GNAO1: variants seen among roughly 807,000 people sequenced by gnomAD.
GNAO1 encodes guanine nucleotide-binding protein G(o) subunit alpha.
For missense variants in GNAO1, 166 were observed against 478.7 expected (o/e 0.35, Z 6.10); for synonymous variants, 164 against 180.7 (o/e 0.91, Z 0.74).
chr16:56,312,286 C>T (rs549322210), intron 3 of GNAO1, among the ~76,000 whole-genome samples: 8 of 152,344 alleles, frequency 5.3e-5, no homozygotes, highest in African/African-American at 1.4e-4. Flanking sequence ...ATCTGATCTT[C>T]GGTTTGTCTG....
At chr16:56,256,233 C>A (rs1384604427) in intron 2 of GNAO1, among the ~76,000 whole-genome samples, 5 of 152,210 alleles carry the variant, frequency 3.3e-5, no homozygotes, top group African/African-American at 1.2e-4. Flanking sequence ...CCTGAGACAT[C>A]TGTCTCCCTT....
At chr16:56,210,157 G>T (rs2036373321) in intron 2 of GNAO1, among the ~76,000 whole-genome samples, 1 of 152,186 alleles carries the variant, frequency 6.6e-6, no homozygotes, top group African/African-American at 2.4e-5. Context: ...GGACTCAAAA[G>T]ACTTCTAATA....
chr16:56,325,058 C>T (rs1403755426), intron 3 of GNAO1, among the ~76,000 whole-genome samples: 10 of 152,388 alleles, frequency 6.6e-5, no homozygotes, highest in African/African-American at 2.4e-4. Context: ...TGCCTGCAGA[C>T]TTTCAGTACC....
In GNAO1 at chr16:56,250,328, A is replaced by G. The variant is rs1257783642; in HGVS notation, c.162-25603A>G. Among the ~76,000 whole-genome samples, 3 of 152,232 alleles carry G rather than the reference A, an allele frequency of 2.0e-5. No homozygotes were observed. In the East Asian group the frequency reaches 5.8e-4, roughly 29 times the overall value. ...AAACCACAGATCTAGAAGGCCAACC[A>G]TCTCAAGGAAGGAATTCTTGAAGAA... On this transcript the variant is annotated intron_variant, in intron 2 of 8. Transcript: ENST00000262493.
chr16:56,215,926 A>G (rs2036433001), intron 2 of GNAO1, among the ~76,000 whole-genome samples: 1 of 152,206 alleles, frequency 6.6e-6, no homozygotes, highest in African/African-American at 2.4e-5. Context: ...TCTCTTCCTG[A>G]TGAGAAGACT....
intron 2 of GNAO1, chr16:56,235,349 G>C: frequency 2.2e-6 from 1 of 456,086 alleles, no homozygotes; most frequent in South Asian, 1.5e-5. Flanking sequence ...CCCATCAACA[G>C]ATGAAGAAGT....
chr16:56,349,174 C>G (rs1175369113), intron 6 of GNAO1, among the ~76,000 whole-genome samples: 1 of 152,208 alleles, frequency 6.6e-6, no homozygotes, highest in African/African-American at 2.4e-5. Context: ...TTGATTTCTC[C>G]TCCACACCTA....
chr16:56,243,902 G>A (rs1218240100), intron 2 of GNAO1, among the ~76,000 whole-genome samples: 1 of 152,192 alleles, frequency 6.6e-6, no homozygotes, highest in Non-Finnish European at 1.5e-5. Flanking sequence ...ACCCAGTGAG[G>A]TAGGCCCTGT....
intron 2 of GNAO1, among the ~76,000 whole-genome samples, chr16:56,248,673 TGAAG>T (rs2036771764): frequency 6.6e-6 from 1 of 152,200 alleles, no homozygotes; most frequent in South Asian, 2.1e-4. Flanking sequence ...AAGCAGCCTC[TGAAG>T]GAAGTGTGGA....
intron 4 of GNAO1, among the ~76,000 whole-genome samples, 170 bp from the exon 5 acceptor site, chr16:56,334,558 CA>C (rs753909236): frequency 6.6e-6 from 1 of 152,188 alleles, no homozygotes; most frequent in Non-Finnish European, 1.5e-5. Context: ...CCCTAAGACC[CA>C]CTTCCTCAGT....
At chr16:56,349,532 G>A (rs1199886759) in intron 6 of GNAO1, among the ~76,000 whole-genome samples, 1 of 152,232 alleles carries the variant, frequency 6.6e-6, no homozygotes, top group Non-Finnish European at 1.5e-5. Context: ...CAGGGCAAGC[G>A]AGACCTGCTC....
chr16:56,347,464 T>TCCTGACC (rs1567494588), intron 6 of GNAO1: 1 of 983,930 alleles, frequency 1.0e-6, no homozygotes, highest in African/African-American at 1.8e-5. Flanking sequence ...GCAAGAAGAG[T>TCCTGACC]CCTGACCCCT....
chr16:56,279,240 A>T (rs779912301), intron 3 of GNAO1, among the ~76,000 whole-genome samples: 1 of 152,162 alleles, frequency 6.6e-6, no homozygotes, highest in Non-Finnish European at 1.5e-5. Context: ...TTCCCCCGGC[A>T]GCTGACTCAC....
chr16:56,303,430 C>A (rs1447853753), intron 3 of GNAO1, among the ~76,000 whole-genome samples: 2 of 152,210 alleles, frequency 1.3e-5, no homozygotes, highest in East Asian at 3.9e-4. Context: ...AAACGGGTGA[C>A]CAGCTGCCCC....
At chr16:56,269,824 A>C (rs1388827292) in intron 2 of GNAO1, among the ~76,000 whole-genome samples, 1 of 152,284 alleles carries the variant, frequency 6.6e-6, no homozygotes, top group East Asian at 1.9e-4. Context: ...GTGTTGGTAC[A>C]TTGTCACACT....
chr16:56,329,142 C>T (rs1328648424), intron 4 of GNAO1: 3 of 193,406 alleles, frequency 1.6e-5, no homozygotes, highest in African/African-American at 4.6e-5. Flanking sequence ...AGCCCCTGAC[C>T]GCATAAATAC....
intron 2 of GNAO1, among the ~76,000 whole-genome samples, chr16:56,222,560 A>G (rs1416391175): frequency 6.6e-6 from 1 of 152,186 alleles, no homozygotes; most frequent in Non-Finnish European, 1.5e-5. Context: ...GAACAAAAGC[A>G]TACAAGCTTG....
intron 3 of GNAO1, among the ~76,000 whole-genome samples, chr16:56,284,228 G>A (rs1220395953): frequency 3.3e-5 from 5 of 152,222 alleles, no homozygotes; most frequent in African/African-American, 1.2e-4. Flanking sequence ...AGAGATGCCA[G>A]CCCCAGAATG....
intron 2 of GNAO1, among the ~76,000 whole-genome samples, chr16:56,210,817 A>C (rs1416352437): frequency 6.6e-6 from 1 of 152,206 alleles, no homozygotes; most frequent in Non-Finnish European, 1.5e-5. Flanking sequence ...TTTGGATAAC[A>C]GCCTTTTATC....
Sources: gnomAD v4.1 joint callset for allele counts (sites outside exome capture counted in the v4.1 genomes callset) on GRCh38, gnomAD v4.1.1 for gene constraint, MANE v1.5 for transcripts, NCBI Gene and HGNC (gene_info 2026-07-23, HGNC 2026-07-21) for gene names.